Variants in VPS13B observed in about 807,000 individuals in gnomAD.
The protein encoded by VPS13B is intermembrane lipid transfer protein VPS13B.
In VPS13B, 285 loss-of-function variants were observed where a neutral mutation model predicts 426.4. That is an observed-to-expected ratio of 0.67 (90% CI 0.61 to 0.74). VPS13B has a LOEUF of 0.74. Among genes scored for constraint, VPS13B ranks in the 30% least tolerant of loss-of-function variants. The pLI is 0.00. For missense variants in VPS13B, 4,537 were observed against 4,782.6 expected, an observed-to-expected ratio of 0.95 and a Z score of 1.51; for synonymous variants, 1,676 against 1,676.4, an observed-to-expected ratio of 1.00 and a Z score of 0.01.
chr8:99,152,687 G>T (rs914577613), intron 14 of VPS13B, among the ~76,000 whole-genome samples: 11 of 152,116 alleles, frequency 7.2e-5, no homozygotes, highest in African/African-American at 2.7e-4. Flanking sequence ...GCACATCCAT[G>T]TTAGGGACTG....
chr8:99,016,371 GCTA>G (rs1477883177), intron 2 of VPS13B, among the ~76,000 whole-genome samples: 2 of 152,132 alleles, frequency 1.3e-5, no homozygotes, highest in East Asian at 3.9e-4. Context: ...TCACATTTTT[GCTA>G]CTACTTGTTA....
At chr8:99,050,801 T>G (rs561315736) in intron 3 of VPS13B, among the ~76,000 whole-genome samples, 19 of 152,376 alleles carry the variant, frequency 1.2e-4, no homozygotes, top group African/African-American at 4.3e-4. Flanking sequence ...TGAGCAAGTT[T>G]TCATGTGTCT....
chr8:99,104,088 C>T lies in VPS13B; in HGVS notation c.580+968C>T, dbSNP rs1256010925. 2.6e-5 allele frequency among the ~76,000 whole-genome samples: 4 copies of T among 152,158 alleles called. 1 individual carries two copies. Among genetic ancestry groups the T allele is most frequent in the Admixed American group, 6.5e-5 (1 of 15,278 alleles). Reference sequence around the variant, plus strand: ...GGCGATTTTGTTGTTATGCAAACATCATAGAGTGTACTTACACAAACCTAG... The same window carrying T: ...GGCGATTTTGTTGTTATGCAAACATTATAGAGTGTACTTACACAAACCTAG... On this transcript the variant is annotated intron_variant, in intron 5 of 61. Transcript: ENST00000357162.
At chr8:99,515,429 G>C (rs372365485) in intron 29 of VPS13B, among the ~76,000 whole-genome samples, 3 of 139,920 alleles carry the variant, frequency 2.1e-5, no homozygotes, top group East Asian at 2.0e-4. Context: ...TCCTCCTCCT[G>C]CTGCTGCTGC....
At chr8:99,857,214 G>A (rs1479229167) in intron 56 of VPS13B, among the ~76,000 whole-genome samples, 1 of 152,066 alleles carries the variant, frequency 6.6e-6, no homozygotes, top group Non-Finnish European at 1.5e-5. Flanking sequence ...CCAACCCCAC[G>A]ACAGGGGAGG....
chr8:99,212,136 G>A (rs1815126280), intron 17 of VPS13B, among the ~76,000 whole-genome samples: 3 of 152,008 alleles, frequency 2.0e-5, no homozygotes, highest in African/African-American at 2.4e-5. Context: ...CAATTGATCC[G>A]CCCGCCTTGG....
chr8:99,291,871 A>C (rs1053142901), intron 19 of VPS13B, among the ~76,000 whole-genome samples: 1 of 152,142 alleles, frequency 6.6e-6, no homozygotes, highest in African/African-American at 2.4e-5. Flanking sequence ...TATTCCCATA[A>C]AAGTAAAAAA....
intron 51 of VPS13B, among the ~76,000 whole-genome samples, chr8:99,829,644 A>C (rs929763054): frequency 3.3e-5 from 5 of 152,190 alleles, no homozygotes; most frequent in Non-Finnish European, 7.4e-5. Flanking sequence ...CTTGCTGGTG[A>C]GGAGTTGTGA....
intron 19 of VPS13B, among the ~76,000 whole-genome samples, chr8:99,361,007 T>C (rs968595169): frequency 2.6e-5 from 4 of 152,210 alleles, no homozygotes; most frequent in African/African-American, 7.2e-5. Flanking sequence ...GTACTGCTTA[T>C]GCCCACAGGC....
chr8:99,781,559 G>T (rs1198139398), intron 42 of VPS13B, among the ~76,000 whole-genome samples: 1 of 152,096 alleles, frequency 6.6e-6, no homozygotes, highest in East Asian at 1.9e-4. Context: ...ACTTATTACA[G>T]TTATAATGAA....
intron 17 of VPS13B, among the ~76,000 whole-genome samples, chr8:99,238,329 C>T (rs1816747273): frequency 6.6e-6 from 1 of 151,772 alleles, no homozygotes; most frequent in Admixed American, 6.6e-5. Flanking sequence ...TGAGTAGATT[C>T]TGGTTCTAGT....
intron 23 of VPS13B, among the ~76,000 whole-genome samples, chr8:99,457,565 T>C (rs1313913508): frequency 6.6e-6 from 1 of 152,166 alleles, no homozygotes; most frequent in African/African-American, 2.4e-5. Flanking sequence ...TTGATTTTTT[T>C]CTATCTTTTT....
chr8:99,596,233 T>C (rs964774880), intron 33 of VPS13B, among the ~76,000 whole-genome samples: 2 of 151,912 alleles, frequency 1.3e-5, no homozygotes, highest in Non-Finnish European at 2.9e-5. Flanking sequence ...TTGGGTTACA[T>C]AGCTCCCCAA....
At chr8:99,080,533 G>C (rs975804171) in intron 3 of VPS13B, among the ~76,000 whole-genome samples, 26 of 151,978 alleles carry the variant, frequency 1.7e-4, no homozygotes, top group African/African-American at 6.0e-4. Context: ...CATATTCCAT[G>C]TATCCATATA....
At position 99,107,429 on chromosome 8, in the gene VPS13B, T is replaced by A. The variant is rs530579098; in HGVS notation, c.581-3669T>A. On this transcript the variant is annotated intron_variant, in intron 5 of 61. Transcript: ENST00000357162. ...CACCAAATCAGATTGCACTAAATAC[T>A]TGCCATAATGGATTAAAAAATAAAA... 2.8e-4 allele frequency among the ~76,000 whole-genome samples: 42 copies of A among 152,116 alleles called. No individual in the cohort carries two copies. In the South Asian group the frequency reaches 8.7e-3, roughly 32 times the overall value.
intron 21 of VPS13B, among the ~76,000 whole-genome samples, chr8:99,425,544 T>G (rs1816648307): frequency 6.6e-6 from 1 of 152,106 alleles, no homozygotes; most frequent in African/African-American, 2.4e-5. Context: ...CTCAATAAAT[T>G]AGGTATTCAT....
At chr8:99,763,019 TC>T (rs1300911498) in intron 39 of VPS13B, among the ~76,000 whole-genome samples, 1 of 150,510 alleles carries the variant, frequency 6.6e-6, no homozygotes, top group East Asian at 2.0e-4. Flanking sequence ...GTGCCTGTGG[TC>T]CCAGCTACTT....
At chr8:99,617,962 A>ATT (rs59417462) in intron 33 of VPS13B, among the ~76,000 whole-genome samples, 2 of 151,362 alleles carry the variant, frequency 1.3e-5, no homozygotes, top group Admixed American at 1.3e-4. Flanking sequence ...TCAGCTGTTA[A>ATT]TTTTTTTTTC....
chr8:99,156,438 G>C lies in VPS13B; in HGVS notation c.2014-111G>C. ...GTTCTGTAGAAAGGCATCATTTCTAGATTGATTTGATATCACTGCAAATGT... is the reference window on the plus strand; with the variant it reads ...GTTCTGTAGAAAGGCATCATTTCTACATTGATTTGATATCACTGCAAATGT... On this transcript the variant is annotated intron_variant, in intron 14 of 61. Coordinates refer to ENST00000357162, the MANE Select transcript of VPS13B (RefSeq NM_152564.5). 6 of 998,650 alleles carry C rather than the reference G, an allele frequency of 6.0e-6. No homozygotes were observed. The East Asian group carries it at 1.5e-4, about 24-fold the overall frequency. 61.9% of individuals were successfully genotyped at this position (998,650 alleles called of 1,614,324 possible).
Sources: allele counts gnomAD v4.1 joint callset (sites outside exome capture counted in the v4.1 genomes callset), GRCh38; gene constraint gnomAD v4.1.1; transcripts MANE v1.5; gene names NCBI Gene and HGNC (gene_info 2026-07-23, HGNC 2026-07-21).